SMAD4: variants seen among roughly 807,000 people sequenced by gnomAD.
SMAD4 encodes SMAD family member 4.
SMAD4 carries 7 observed loss-of-function variants against 63.2 expected under a neutral mutation model. The ratio of observed to expected loss-of-function variants is 0.11; its 90% CI spans 0.06 to 0.21. The LOEUF (loss-of-function observed/expected upper bound fraction) is 0.21, where lower values mean the gene tolerates loss of function less well. Among genes scored for constraint, SMAD4 ranks in the 10% least tolerant of loss-of-function variants. The pLI, the probability that SMAD4 is intolerant of heterozygous loss-of-function variation, is 1.00. For missense variants in SMAD4, 312 were observed against 693.8 expected (o/e 0.45, Z 6.18); for synonymous variants, 215 against 235.4 (o/e 0.91, Z 0.79).
intron 8 of SMAD4, among the ~76,000 whole-genome samples, chr18:51,060,860 C>CT (rs961960895): frequency 7.2e-5 from 11 of 152,046 alleles, no homozygotes; most frequent in African/African-American, 2.7e-4. Flanking sequence ...TCTCGAACTC[C>CT]TGGGCTAAAG....
chr18:51,073,391 A>ATATATATATAT (rs1223048001), intron 10 of SMAD4, among the ~76,000 whole-genome samples: 1 of 55,720 alleles, frequency 1.8e-5, no homozygotes, highest in Non-Finnish European at 4.0e-5. Flanking sequence ...ATATATATAC[A>ATATATATATAT]CACACACACA....
chr18:51,073,163 G>T (rs1910361500), intron 10 of SMAD4, among the ~76,000 whole-genome samples: 1 of 151,676 alleles, frequency 6.6e-6, no homozygotes, highest in South Asian at 2.1e-4. Context: ...TGTAATATGT[G>T]CTGCTGATGT....
chr18:51,072,866 A>G (rs1910354176), intron 10 of SMAD4, among the ~76,000 whole-genome samples: 1 of 152,204 alleles, frequency 6.6e-6, no homozygotes. Flanking sequence ...TCAAATTATG[A>G]AAGGAAGACA....
At chr18:51,051,630 A>G (rs959052536) in intron 4 of SMAD4, among the ~76,000 whole-genome samples, 4 of 152,180 alleles carry the variant, frequency 2.6e-5, no homozygotes, top group Admixed American at 6.5e-5. Flanking sequence ...TGTCTACTCA[A>G]GTGAGCTTAT....
chr18:51,081,155 G>T lies in SMAD4; in HGVS notation c.*2688G>T. On this transcript the variant is annotated 3_prime_UTR_variant, in exon 12 of 12. Transcript: ENST00000342988. ...TGAATAAGACTAAAGATTCTCACAG[G>T]TTTAAAATTTTATGTCTACTTTAAG... 1 of 220,274 alleles carries T rather than the reference G, an allele frequency of 4.5e-6. No individual in the cohort carries two copies. The highest frequency in any genetic ancestry group is 6.7e-5 in the East Asian group (1 of 14,904). The allele number at this position is 220,274 out of a possible 1,614,324, so 13.6% of individuals were successfully genotyped here. A position where few individuals can be genotyped will look rare whatever the true frequency, so the allele number is the denominator to read the frequency against.
chr18:51,049,351 C>G (rs757291177), intron 4 of SMAD4, 27 bp downstream of exon 4: 1 of 1,568,172 alleles, frequency 6.4e-7, no homozygotes, highest in South Asian at 1.1e-5. Flanking sequence ...TTACTACTTT[C>G]TCTTTGTTTT....
chr18:51,066,739 A>G (rs1910168767), intron 9 of SMAD4: 4 of 320,690 alleles, frequency 1.2e-5, no homozygotes, highest in Admixed American at 4.4e-5. Flanking sequence ...TTCTTTATCT[A>G]AAAAAATTAG....
intron 10 of SMAD4, among the ~76,000 whole-genome samples, chr18:51,075,746 T>C (rs1910455454): frequency 6.6e-6 from 1 of 152,192 alleles, no homozygotes. Context: ...CTTCACTTGG[T>C]TGATAAAAGT....
intron 2 of SMAD4, 135 bp downstream of exon 2, chr18:51,047,430 T>A: frequency 2.6e-6 from 2 of 769,832 alleles, no homozygotes. Context: ...TGTACAAATA[T>A]GCATTATGGG....
At chr18:51,049,659 G>T in intron 4 of SMAD4, 1 of 274,432 alleles carries the variant, frequency 3.6e-6, no homozygotes, top group African/African-American at 2.2e-5. Context: ...CAGTTTAAAT[G>T]GATGTTAAAT....
intron 4 of SMAD4, among the ~76,000 whole-genome samples, chr18:51,050,783 GT>G (rs1174170859): frequency 6.6e-6 from 1 of 151,906 alleles, no homozygotes; most frequent in Non-Finnish European, 1.5e-5. Context: ...GAAATACTAG[GT>G]GACCTTAACC....
intron 11 of SMAD4, chr18:51,077,508 A>G (rs193063746): frequency 7.2e-4 from 198 of 276,264 alleles, no homozygotes; most frequent in African/African-American, 4.1e-3. Flanking sequence ...GTTTCATTGT[A>G]ATATTGATGA....
chr18:51,040,575 T>A (rs1022741299), intron 1 of SMAD4, among the ~76,000 whole-genome samples: 10 of 152,244 alleles, frequency 6.6e-5, no homozygotes, highest in Admixed American at 5.2e-4. Context: ...TGAGAAAAAA[T>A]GTCAACACTC....
At chr18:51,034,197 C>T (rs375512543) in intron 1 of SMAD4, among the ~76,000 whole-genome samples, 5 of 151,648 alleles carry the variant, frequency 3.3e-5, no homozygotes, top group Admixed American at 6.6e-5. Context: ...TTTCTTCTCT[C>T]CTGTCTCCCT....
intron 11 of SMAD4, 29 bp from the exon 12 acceptor site, chr18:51,078,227 T>C: frequency 6.3e-7 from 1 of 1,577,316 alleles, no homozygotes; most frequent in Non-Finnish European, 8.7e-7. Flanking sequence ...ACCCTGTCCC[T>C]CTGATGTCTT....
chr18:51,073,380 TATATATATACACACACACAC>T (rs1910373566), intron 10 of SMAD4, among the ~76,000 whole-genome samples: 1 of 88,002 alleles, frequency 1.1e-5, no homozygotes, highest in African/African-American at 4.2e-5. Context: ...TATATATATA[TATATATATACACACACACAC>T]ACACACACAC....
chr18:51,069,576 A>C lies in SMAD4; in HGVS notation c.1308+2389A>C, dbSNP rs559284144. 3.0e-4 allele frequency among the ~76,000 whole-genome samples: 46 copies of C among 152,310 alleles called. 1 individual carries two copies. The highest frequency in any genetic ancestry group is 1.0e-3 in the African/African-American group (43 of 41,568). On this transcript the variant is annotated intron_variant, in intron 10 of 11. Transcript: ENST00000342988. ...TGTGGCAATTTTGCCTTACCCTGGC[A>C]TCTGGGATTCACATCTCAGAACCAA...
intron 1 of SMAD4, among the ~76,000 whole-genome samples, chr18:51,042,701 T>G (rs1362274349): frequency 7.2e-5 from 11 of 152,028 alleles, no homozygotes; most frequent in Admixed American, 5.2e-4. Context: ...CGGACTTGGT[T>G]GTTTTGTTTT....
In SMAD4 at chr18:51,079,152, A is replaced by C. The variant is rs16952798; in HGVS notation, c.*685A>C. The C allele has an allele frequency of 0.023, 5,349 of 232,920 alleles. 307 individuals are homozygous for C. The highest frequency in any genetic ancestry group is 0.11 in the African/African-American group (4,844 of 45,426). The allele number at this position is 232,920 out of a possible 1,614,324, so 14.4% of individuals were successfully genotyped here. A position where few individuals can be genotyped will look rare whatever the true frequency, so the allele number is the denominator to read the frequency against. On this transcript the variant is annotated 3_prime_UTR_variant, in exon 12 of 12. Coordinates refer to ENST00000342988, the MANE Select transcript of SMAD4 (RefSeq NM_005359.6). ...GAATCCCTTAAAATTACCAGACAAA[A>C]AAATTTAAAATTACGTTTGTTATTC...
Sources: gnomAD v4.1 joint callset for allele counts (sites outside exome capture counted in the v4.1 genomes callset) on GRCh38, gnomAD v4.1.1 for gene constraint, MANE v1.5 for transcripts, NCBI Gene and HGNC (gene_info 2026-07-23, HGNC 2026-07-21) for gene names.